Variants in PRDM14 observed in about 807,000 individuals in gnomAD.
PRDM14 encodes PR domain zinc finger protein 14.
In PRDM14, 16 loss-of-function variants were observed where a neutral mutation model predicts 48.0. The observed-to-expected ratio is 0.33, with a 90% CI of 0.23 to 0.51. The LOEUF (loss-of-function observed/expected upper bound fraction) is 0.51. PRDM14 is among the 20% of genes least tolerant of loss of function. PRDM14 has a pLI of 0.97. For missense variants in PRDM14, 566 were observed against 719.6 expected, an observed-to-expected ratio of 0.79 and a Z score of 2.44; for synonymous variants, 264 against 276.6, an observed-to-expected ratio of 0.95 and a Z score of 0.45.
At position 70,068,503 on chromosome 8, in the gene PRDM14, T is replaced by C. The variant is rs3750228; in HGVS notation, c.730A>G (p.Lys244Glu). 0.14 allele frequency: 225,397 copies of C among 1,613,310 alleles called. 16,998 individuals are homozygous for C. The highest frequency in any genetic ancestry group is 0.23 in the East Asian group (10,511 of 44,868). ...GSDSLPQTLD[K>E]DSLQLPEGLC... ...CCTTCTGGAAGTTGAAGGGAGTCTT[T>C]ATCCAGAGTTTGAGGAAGAGAATCA... Residue 244 changes from lysine (K) to glutamate (E), a missense_variant, in exon 3 of 8, where the codon AAA becomes GAA. Around this residue, in one of 3 missense-constraint regions of PRDM14, gnomAD observed 410 missense variants for 424.6 expected, o/e 0.97. Transcript: ENST00000276594.
In PRDM14 at chr8:70,069,421, T is replaced by G; in HGVS notation, c.440A>C (p.Asp147Ala). The change falls in exon 2 of 8, where the codon GAC becomes GCC. Residue 147 changes from aspartate to alanine, a missense_variant. Physicochemically the swap from Asp to Ala is moderately radical, Grantham distance 126. Transcript: ENST00000276594. Reference sequence around the variant, plus strand: ...CGCAGGGGGCGGTGGAATTAAAGTGTCAGGTCCACAACACGGGCCACTCTC... The same window carrying G: ...CGCAGGGGGCGGTGGAATTAAAGTGGCAGGTCCACAACACGGGCCACTCTC... ...DNESGPCCGPDTLIPPPPADA... is the reference protein window; with the variant it reads ...DNESGPCCGPATLIPPPPADA... 6.2e-7 allele frequency: 1 copy of G among 1,600,500 alleles called. No homozygotes were observed.
At chr8:70,069,964 C>T (rs564006975) in intron 1 of PRDM14, 80 bp from the exon 2 acceptor site, 4 of 770,974 alleles carry the variant, frequency 5.2e-6, no homozygotes, top group Non-Finnish European at 8.2e-6. Context: ...CCAGCCTCCT[C>T]CACCCCAGCC....
chr8:70,056,575 G>C (rs975496847), intron 6 of PRDM14, among the ~76,000 whole-genome samples: 3 of 151,934 alleles, frequency 2.0e-5, no homozygotes, highest in Non-Finnish European at 4.4e-5. Flanking sequence ...TCTGCCTCCT[G>C]GGTTTAAGCA....
chr8:70,058,282 C>T (rs1805515216), intron 6 of PRDM14, among the ~76,000 whole-genome samples: 1 of 152,110 alleles, frequency 6.6e-6, no homozygotes, highest in Admixed American at 6.6e-5. Context: ...TGGAACAGCT[C>T]GACTCTTTCC....
chr8:70,058,691 GT>G lies in PRDM14; in HGVS notation c.1334del (p.Asp445AlafsTer32). The G allele has an allele frequency of 6.2e-7, 1 of 1,614,132 alleles. No individual in the cohort carries two copies. The highest frequency in any genetic ancestry group is 8.5e-7 in the Non-Finnish European group (1 of 1,180,012). On this transcript the variant is annotated frameshift_variant, in exon 6 of 8. Coordinates refer to ENST00000276594, the MANE Select transcript of PRDM14 (RefSeq NM_024504.4). LOFTEE classifies it high-confidence loss of function. ...CATGAAGAATGTGGATCCGAAGCCGGTCCCGCTTCTCAAAGGATCGTTTGCA... is the reference window on the plus strand; with the variant it reads ...CATGAAGAATGTGGATCCGAAGCCGGCCCGCTTCTCAAAGGATCGTTTGCA... ...SLCKRSFEKR[D>X]RLRIHILHVH...
intron 7 of PRDM14, among the ~76,000 whole-genome samples, chr8:70,053,850 C>A (rs941196601): frequency 6.6e-6 from 1 of 152,120 alleles, no homozygotes; most frequent in African/African-American, 2.4e-5. Flanking sequence ...CTGTAAAAAG[C>A]GTAAATGACT....
chr8:70,055,487 A>G, intron 6 of PRDM14, 86 bp from the exon 7 acceptor site: 2 of 741,724 alleles, frequency 2.7e-6, no homozygotes, highest in Non-Finnish European at 2.3e-6. Context: ...GGGTTAGAGA[A>G]GAACTCTTTT....
intron 6 of PRDM14, among the ~76,000 whole-genome samples, chr8:70,058,136 G>A (rs895664603): frequency 1.3e-5 from 2 of 152,012 alleles, no homozygotes; most frequent in African/African-American, 4.8e-5. Flanking sequence ...CAAAATCCTC[G>A]GCCCACTGTA....
intron 6 of PRDM14, among the ~76,000 whole-genome samples, chr8:70,056,328 G>C (rs1296568359): frequency 1.3e-5 from 2 of 152,138 alleles, no homozygotes; most frequent in East Asian, 3.9e-4. Flanking sequence ...TAAAGCAGAA[G>C]GCCTTTGGTT....
chr8:70,065,048 C>A (rs550047654), intron 5 of PRDM14, among the ~76,000 whole-genome samples: 86 of 151,800 alleles, frequency 5.7e-4, no homozygotes, highest in African/African-American at 1.8e-3. Context: ...CACTACGCCC[C>A]GCTAATTTTT....
intron 5 of PRDM14, among the ~76,000 whole-genome samples, chr8:70,062,827 C>T (rs6472508): frequency 0.42 from 64,561 of 152,014 alleles, 15,445 homozygotes; most frequent in African/African-American, 0.65. Flanking sequence ...AAGTTTGTGT[C>T]AAGTACTGGT....
At position 70,066,261 on chromosome 8, in the gene PRDM14, C is replaced by T; in HGVS notation, c.1157G>A (p.Gly386Glu). ...IPVSLQVTEPGKQPSGPSEES... is the reference protein window; with the variant it reads ...IPVSLQVTEPEKQPSGPSEES... ...TTCAGAGGGCCCAGATGGCTGCTTCCCCGGCTCTGTGACCTGAAGGCTCAC... is the reference window on the plus strand; with the variant it reads ...TTCAGAGGGCCCAGATGGCTGCTTCTCCGGCTCTGTGACCTGAAGGCTCAC... Residue 386 changes from glycine to glutamate, a missense_variant, in exon 5 of 8, where the codon GGG becomes GAG. Coordinates refer to ENST00000276594, the MANE Select transcript of PRDM14 (RefSeq NM_024504.4). 6.2e-7 allele frequency: 1 copy of T among 1,613,918 alleles called. No individual in the cohort carries two copies. Among genetic ancestry groups the T allele is most frequent in the East Asian group, 2.2e-5 (1 of 44,876 alleles).
intron 5 of PRDM14, among the ~76,000 whole-genome samples, chr8:70,064,438 G>A (rs1002614252): frequency 2.0e-5 from 3 of 151,636 alleles, no homozygotes; most frequent in Admixed American, 1.3e-4. Flanking sequence ...GGATCCAGAA[G>A]CACGAGATAC....
intron 6 of PRDM14, among the ~76,000 whole-genome samples, chr8:70,057,233 G>A (rs1805490496): frequency 6.6e-6 from 1 of 152,050 alleles, no homozygotes; most frequent in Admixed American, 6.6e-5. Flanking sequence ...CCAAAGTACT[G>A]GGATTAGGCG....
At chr8:70,061,706 AATACTG>A (rs1215230934) in intron 5 of PRDM14, among the ~76,000 whole-genome samples, 1 of 152,180 alleles carries the variant, frequency 6.6e-6, no homozygotes, top group African/African-American at 2.4e-5. Context: ...ATAAAGTTTC[AATACTG>A]AGTTCGCTTA....
At position 70,055,315 on chromosome 8, in the gene PRDM14, A is replaced by G. The variant is rs1200269372; in HGVS notation, c.1473T>C (p.Cys491=). 1.3e-6 allele frequency: 2 copies of G among 1,597,214 alleles called. No homozygotes were observed. The highest frequency in any genetic ancestry group is 1.7e-6 in the Non-Finnish European group (2 of 1,164,812). ...TTCCATTTACCTTAGTACAATACAC[A>G]CACTGGTATGGTCTGTCTCCAGAGT... ...RVHSGDRPYQ[C]VYCTKRFTAS... is the part of the protein sequence containing the mutation. The change falls in exon 7 of 8, where the codon TGT becomes TGC. Residue 491 remains cysteine (C), a synonymous_variant. Transcript: ENST00000276594.
intron 5 of PRDM14, among the ~76,000 whole-genome samples, chr8:70,060,853 G>A (rs1017255125): frequency 6.6e-6 from 1 of 152,192 alleles, no homozygotes; most frequent in Admixed American, 6.5e-5. Flanking sequence ...TCACAGTGCT[G>A]TTCTATTCTA....
intron 7 of PRDM14, among the ~76,000 whole-genome samples, chr8:70,053,728 G>C (rs1805426185): frequency 6.6e-6 from 1 of 152,078 alleles, no homozygotes; most frequent in South Asian, 2.1e-4. Context: ...TCATTCTATT[G>C]ACACACACTT....
chr8:70,057,849 C>T (rs895615490), intron 6 of PRDM14, among the ~76,000 whole-genome samples: 1 of 152,094 alleles, frequency 6.6e-6, no homozygotes, highest in African/African-American at 2.4e-5. Context: ...AGTGATTAAA[C>T]ATGACTTTTC....
Sources: allele counts gnomAD v4.1 joint callset (sites outside exome capture counted in the v4.1 genomes callset), GRCh38; gene constraint gnomAD v4.1.1; regional missense constraint gnomAD v4.1.1; transcripts MANE v1.5; gene names NCBI Gene and HGNC (gene_info 2026-07-23, HGNC 2026-07-21).